KIAA0930: variants seen among roughly 807,000 people sequenced by gnomAD.
KIAA0930 encodes KIAA0930, also known as uncharacterized protein KIAA0930.
Under a neutral mutation model 43.9 loss-of-function variants are expected in KIAA0930, and 24 were observed. The observed-to-expected ratio is 0.55, with a 90% confidence interval of 0.40 to 0.77. The LOEUF is 0.77. Ranked by LOEUF, KIAA0930 falls within the 30% of genes least tolerant of loss-of-function variation. The pLI is 0.00. For missense variants in KIAA0930, 461 were observed against 574.2 expected, an observed-to-expected ratio of 0.80 and a Z score of 2.02; for synonymous variants, 259 against 216.4, an observed-to-expected ratio of 1.20 and a Z score of -1.73.
chr22:45,219,057 T>G (rs1318695173), intron 1 of KIAA0930, among the ~76,000 whole-genome samples: 1 of 152,208 alleles, frequency 6.6e-6, no homozygotes, highest in African/African-American at 2.4e-5. Context: ...AACTTTTATC[T>G]TTCGAGGCAT....
rs747730326 is a variant in KIAA0930, at chr22:45,205,296, T to C, written c.437A>G (p.Lys146Arg). The change falls in exon 5 of 10, where the codon AAA becomes AGA. Residue 146 changes from lysine (K) to arginine (R), a missense_variant. By Grantham distance (26) the Lys-to-Arg change is conservative (BLOSUM62 2). Coordinates refer to ENST00000336156, the MANE Select transcript of KIAA0930 (RefSeq NM_001009880.2). ...CTCCCCCTTGCTGTCCATGGGGTGT[T>C]TACTGGGGGACGCGAACACTTGCTG... ...KSQQVFASPS[K>R]HPMDSKGEES... 1 of 1,613,936 alleles carries C rather than the reference T, an allele frequency of 6.2e-7. No homozygotes were observed. Among genetic ancestry groups the C allele is most frequent in the Non-Finnish European group, 8.5e-7 (1 of 1,179,902 alleles).
At chr22:45,213,495 C>G (rs1200481917) in intron 1 of KIAA0930, 7 of 1,191,166 alleles carry the variant, frequency 5.9e-6, no homozygotes, top group Non-Finnish European at 6.4e-6. Context: ...CCCGGGGGAA[C>G]GAAACACGCG....
In KIAA0930 at chr22:45,196,549, CG is replaced by C. The variant is rs1450294256; in HGVS notation, c.*626del. On this transcript the variant is annotated 3_prime_UTR_variant, in exon 10 of 10. Transcript: ENST00000336156. This position sits in a 1 kb window ranked among gnomAD's most constrained non-coding sequence, Gnocchi z 4.1. The stretch of plus-strand genomic sequence containing the variant: ...AAGCAAAAGGCCGTTCTGGCGGGAT[CG>C]GGGCCGTCTGCTCAGCTGGAGGCCT... 2 of 152,710 alleles carry C rather than the reference CG, an allele frequency of 1.3e-5. No homozygotes were observed. Among genetic ancestry groups the C allele is most frequent in the East Asian group, 1.9e-4 (1 of 5,184 alleles). The allele number at this position is 152,710 out of a possible 1,614,324, so 9.5% of individuals were successfully genotyped here.
At chr22:45,235,059 G>A (rs182335883) in intron 1 of KIAA0930, among the ~76,000 whole-genome samples, 2 of 151,936 alleles carry the variant, frequency 1.3e-5, no homozygotes, top group Non-Finnish European at 2.9e-5. Context: ...CAAGTCTCCT[G>A]CTTGGGGCTT....
At chr22:45,218,199 T>C (rs555385022) in intron 1 of KIAA0930, among the ~76,000 whole-genome samples, 18 of 152,190 alleles carry the variant, frequency 1.2e-4, no homozygotes, top group Admixed American at 5.2e-4. Flanking sequence ...TTCTTGTCGC[T>C]CAGGCTGGAG....
At chr22:45,232,080 C>G (rs2147766106) in intron 1 of KIAA0930, among the ~76,000 whole-genome samples, 1 of 152,252 alleles carries the variant, frequency 6.6e-6, no homozygotes, top group South Asian at 2.1e-4. Context: ...TCAGAAAGAA[C>G]CAGAAGGGAG....
intron 1 of KIAA0930, among the ~76,000 whole-genome samples, chr22:45,235,937 G>A (rs982799441): frequency 1.6e-4 from 25 of 152,352 alleles, no homozygotes; most frequent in African/African-American, 5.3e-4. Flanking sequence ...AAGTGATGGC[G>A]GGTTGGGGGA....
chr22:45,201,275 G>A (rs574139816), intron 7 of KIAA0930, among the ~76,000 whole-genome samples: 3 of 152,356 alleles, frequency 2.0e-5, no homozygotes, highest in Admixed American at 1.3e-4. Flanking sequence ...AATAGCAGGC[G>A]CACAGGCGGC....
chr22:45,197,250 T>C (rs1257762738), intron 9 of KIAA0930, 34 bp from the exon 10 acceptor site: 7 of 1,543,178 alleles, frequency 4.5e-6, no homozygotes, highest in Non-Finnish European at 5.3e-6. Flanking sequence ...GGTGAAACAG[T>C]AACCCTCAAC....
chr22:45,231,962 G>C (rs2083856613), intron 1 of KIAA0930, among the ~76,000 whole-genome samples: 1 of 152,232 alleles, frequency 6.6e-6, no homozygotes, highest in South Asian at 2.1e-4. Context: ...CTGCACTACA[G>C]CCTGGGTGAC....
At chr22:45,203,740 C>T (rs1198745572) in intron 6 of KIAA0930, 105 bp downstream of exon 6, 4 of 1,347,746 alleles carry the variant, frequency 3.0e-6, no homozygotes, top group Non-Finnish European at 3.0e-6. Flanking sequence ...GCGGCCGCTA[C>T]CATGCACAAG....
At chr22:45,199,610 G>A (rs952622594) in intron 8 of KIAA0930, among the ~76,000 whole-genome samples, 4 of 152,156 alleles carry the variant, frequency 2.6e-5, no homozygotes, top group Admixed American at 6.5e-5. Flanking sequence ...CCCTGAAACT[G>A]ACCAACTGCT....
chr22:45,218,104 G>A (rs139862503), intron 1 of KIAA0930, among the ~76,000 whole-genome samples: 2 of 152,162 alleles, frequency 1.3e-5, no homozygotes, highest in Non-Finnish European at 2.9e-5. Context: ...CTGGTTTCAG[G>A]AGCGAGGAAC....
In KIAA0930 at chr22:45,225,958, G is replaced by A. The variant is rs1252965859; in HGVS notation, c.65-13851C>T. Among the ~76,000 whole-genome samples, 9 of 152,328 alleles carry A rather than the reference G, an allele frequency of 5.9e-5. No individual in the cohort carries two copies. The East Asian group carries it at 1.5e-3, about 26-fold the overall frequency. On this transcript the variant is annotated intron_variant, in intron 1 of 9. Coordinates refer to ENST00000336156, the MANE Select transcript of KIAA0930 (RefSeq NM_001009880.2). Reference sequence around the variant, plus strand: ...AAGCCCCACCTGCCTGCAAAGCCACGCTCCTGGCTCCACACTGCAGGCTTG... The same window carrying A: ...AAGCCCCACCTGCCTGCAAAGCCACACTCCTGGCTCCACACTGCAGGCTTG...
At chr22:45,208,548 G>A (rs1372688399) in intron 2 of KIAA0930, among the ~76,000 whole-genome samples, 3 of 152,212 alleles carry the variant, frequency 2.0e-5, no homozygotes, top group African/African-American at 7.2e-5. Flanking sequence ...TGTGAGAACA[G>A]GCAGAACCCG....
At chr22:45,240,504 A>ACC (rs1251243248) in intron 1 of KIAA0930, 136 bp downstream of exon 1, 34 of 540,080 alleles carry the variant, frequency 6.3e-5, no homozygotes, top group Admixed American at 4.3e-4. Context: ...AAGACAGGGT[A>ACC]CCCAGGCAGA....
chr22:45,217,360 CAAAAAAAAAAAAA>C lies in KIAA0930; in HGVS notation c.65-5266_65-5254del, dbSNP rs58492110. ...TGGGAGACAGAGCAAGACCCCGTCTCAAAAAAAAAAAAAAAAAAAAAAAAAAAAGACACCATAT... is the reference window on the plus strand; with the variant it reads ...TGGGAGACAGAGCAAGACCCCGTCTCAAAAAAAAAAAAAAAGACACCATAT... On this transcript the variant is annotated intron_variant, in intron 1 of 9. Transcript: ENST00000336156. 1.5e-4 allele frequency among the ~76,000 whole-genome samples: 10 copies of C among 68,736 alleles called. No individual in the cohort carries two copies. The South Asian group carries it at 4.5e-3, about 31-fold the overall frequency. 45.1% of individuals were successfully genotyped at this position (68,736 alleles called of 152,430 possible). A position where few individuals can be genotyped will look rare whatever the true frequency, so the allele number is the denominator to read the frequency against.
chr22:45,225,697 C>A (rs1334101349), intron 1 of KIAA0930, among the ~76,000 whole-genome samples: 1 of 152,212 alleles, frequency 6.6e-6, no homozygotes, highest in East Asian at 1.9e-4. Context: ...GCAGTCACCC[C>A]CTCGGGGTGC....
At chr22:45,229,495 G>A (rs997060663) in intron 1 of KIAA0930, among the ~76,000 whole-genome samples, 1 of 152,002 alleles carries the variant, frequency 6.6e-6, no homozygotes, top group Admixed American at 6.5e-5. Context: ...AGGGACAGGA[G>A]CCACACACGA....
Sources: gnomAD v4.1 joint callset for allele counts (sites outside exome capture counted in the v4.1 genomes callset) on GRCh38, gnomAD v4.1.1 for gene constraint, Gnocchi (gnomAD v3.1) non-coding constraint, MANE v1.5 for transcripts, NCBI Gene and HGNC (gene_info 2026-07-23, HGNC 2026-07-21) for gene names.